The following PCCA variants were observed in gnomAD, a reference collection of about 807,000 sequenced individuals.
PCCA encodes the protein propionyl-CoA carboxylase alpha chain, mitochondrial.
Under a neutral mutation model 101.3 loss-of-function variants are expected in PCCA, and 74 were observed. The ratio of observed to expected loss-of-function variants is 0.73; its 90% CI spans 0.61 to 0.89. PCCA has a LOEUF of 0.89. Among genes scored for constraint, PCCA ranks in the 40% least tolerant of loss-of-function variants. PCCA has a pLI of 0.00. For synonymous variants in PCCA, 294 were observed against 313.6 expected, an observed-to-expected ratio of 0.94 and a Z score of 0.66; for missense variants, 891 against 907.0, an observed-to-expected ratio of 0.98 and a Z score of 0.23.
chr13:100,169,277 A>G (rs2055370112), intron 6 of PCCA, among the ~76,000 whole-genome samples: 2 of 151,878 alleles, frequency 1.3e-5, no homozygotes, highest in Non-Finnish European at 2.9e-5. Context: ...CCCCGTCTCT[A>G]CTAATAATAC....
rs374748806 is a variant in PCCA, at chr13:100,456,671, G to C, written c.1899+7366G>C. ...AGCCGAAGCTGAGAGAGAGAAGGCA[G>C]CATACGTCAGCGTTTTCTTCTATGC... On this transcript the variant is annotated intron_variant, in intron 21 of 23. Coordinates refer to ENST00000376285, the MANE Select transcript of PCCA (RefSeq NM_000282.4). 4.1e-4 allele frequency among the ~76,000 whole-genome samples: 63 copies of C among 152,246 alleles called. 1 individual carries two copies. Among genetic ancestry groups the C allele is most frequent in the South Asian group, 1.7e-3 (8 of 4,828 alleles).
At chr13:100,102,773 A>G (rs1594089155) in intron 1 of PCCA, 110 bp from the exon 2 acceptor site, 4 of 745,370 alleles carry the variant, frequency 5.4e-6, no homozygotes, top group East Asian at 2.5e-5. Context: ...CTAGAACTAC[A>G]TTTATTGATC....
At position 100,337,632 on chromosome 13, in the gene PCCA, G is replaced by T. The variant is rs113198157; in HGVS notation, c.1541-2525G>T. On this transcript the variant is annotated intron_variant, in intron 17 of 23. Coordinates refer to ENST00000376285, the MANE Select transcript of PCCA (RefSeq NM_000282.4). The stretch of plus-strand genomic sequence containing the variant: ...AAGTTGATGTGCATCATATCAGTTT[G>T]CCTGGGAGATGTGATGAATGATGGT... Among the ~76,000 whole-genome samples the T allele has an allele frequency of 2.5e-3, 386 of 152,274 alleles. 4 individuals carry two copies. In the South Asian group the frequency reaches 0.028, roughly 11 times the overall value.
chr13:100,146,847 A>G lies in PCCA; in HGVS notation c.301-8132A>G, dbSNP rs2052631872. Among the ~76,000 whole-genome samples the G allele has an allele frequency of 2.0e-5, 3 of 151,600 alleles. No individual in the cohort carries two copies. In the South Asian group the frequency reaches 6.2e-4, roughly 31 times the overall value. On this transcript the variant is annotated intron_variant, in intron 4 of 23. Transcript: ENST00000376285. ...AATTAAATATTTTTCTTATAGAAAT[A>G]TACATATGTATGCAGATTGGCATGT... is the stretch of plus-strand genomic sequence containing the variant.
chr13:100,099,315 CTTTTTTTTTTT>C (rs940373587), intron 1 of PCCA, among the ~76,000 whole-genome samples: 9 of 124,506 alleles, frequency 7.2e-5, no homozygotes, highest in Admixed American at 2.4e-4. Flanking sequence ...GCTATCTAAT[CTTTTTTTTTTT>C]TTTTTTTTTG....
At chr13:100,283,338 C>T (rs967642914) in intron 12 of PCCA, among the ~76,000 whole-genome samples, 2 of 151,858 alleles carry the variant, frequency 1.3e-5, no homozygotes, top group African/African-American at 4.8e-5. Flanking sequence ...GACCTTGACT[C>T]AGATCATGGG....
chr13:100,482,457 G>T (rs1057471364), intron 21 of PCCA, among the ~76,000 whole-genome samples: 5 of 152,218 alleles, frequency 3.3e-5, no homozygotes, highest in Admixed American at 2.6e-4. Flanking sequence ...GTGATGAGAA[G>T]AGCGCTGTCT....
intron 21 of PCCA, among the ~76,000 whole-genome samples, chr13:100,499,972 T>G (rs1432220901): frequency 6.6e-6 from 1 of 152,228 alleles, no homozygotes; most frequent in African/African-American, 2.4e-5. Context: ...AATAACAGAT[T>G]CATTTTTTCT....
chr13:100,205,070 C>G (rs1453120821), intron 6 of PCCA, among the ~76,000 whole-genome samples: 3 of 151,894 alleles, frequency 2.0e-5, no homozygotes, highest in Non-Finnish European at 4.4e-5. Context: ...TTAAAAGGAC[C>G]TTAAAAAGCA....
rs199611482 is a variant in PCCA at position 100,435,627 on chromosome 13, G to GGTA, written c.1845+9898_1845+9900dup. On this transcript the variant is annotated intron_variant, in intron 20 of 23. Coordinates refer to ENST00000376285, the MANE Select transcript of PCCA (RefSeq NM_000282.4). Reference sequence around the variant, plus strand: ...TTGTATTTTGGTGTATACTGTCACTGGTAGAGGGTCATGATTGCAAGTTAT... The same window carrying GGTA: ...TTGTATTTTGGTGTATACTGTCACTGGTAGTAGAGGGTCATGATTGCAAGTTAT... 5.4e-3 allele frequency among the ~76,000 whole-genome samples: 826 copies of GGTA among 152,306 alleles called. 2 individuals are homozygous for GGTA. The highest frequency in any genetic ancestry group is 8.9e-3 in the Non-Finnish European group (604 of 68,032).
intron 9 of PCCA, among the ~76,000 whole-genome samples, chr13:100,260,466 G>C (rs367597059): frequency 6.7e-6 from 1 of 149,748 alleles, no homozygotes; most frequent in Non-Finnish European, 1.5e-5. Context: ...GTGCGATCTC[G>C]GCTCACTGCA....
At chr13:100,474,681 A>T (rs1198724025) in intron 21 of PCCA, among the ~76,000 whole-genome samples, 2 of 151,830 alleles carry the variant, frequency 1.3e-5, no homozygotes, top group Non-Finnish European at 2.9e-5. Context: ...TAGAGAAGGG[A>T]TTTTACCACG....
intron 6 of PCCA, among the ~76,000 whole-genome samples, chr13:100,203,949 C>G (rs2058697190): frequency 6.6e-6 from 1 of 152,066 alleles, no homozygotes; most frequent in Non-Finnish European, 1.5e-5. Flanking sequence ...GTGGGTGCTC[C>G]TTTCTATCTG....
intron 4 of PCCA, among the ~76,000 whole-genome samples, chr13:100,116,823 C>T (rs563014121): frequency 6.6e-6 from 1 of 150,440 alleles, no homozygotes; most frequent in Non-Finnish European, 1.5e-5. Context: ...TTTTGCAGGC[C>T]CCTGTGGTCG....
intron 21 of PCCA, chr13:100,491,709 T>A: frequency 8.4e-6 from 11 of 1,302,906 alleles, no homozygotes; most frequent in Admixed American, 2.3e-5. Context: ...TGCGGCCTGG[T>A]GGCTGGCTCA....
intron 6 of PCCA, among the ~76,000 whole-genome samples, chr13:100,159,825 C>T (rs573452521): frequency 2.0e-5 from 3 of 152,266 alleles, no homozygotes; most frequent in Non-Finnish European, 4.4e-5. Context: ...TGTGCCTGGC[C>T]TCCCACCCAC....
intron 4 of PCCA, among the ~76,000 whole-genome samples, chr13:100,138,873 T>G (rs1245990461): frequency 7.0e-6 from 1 of 142,960 alleles, no homozygotes; most frequent in Non-Finnish European, 1.5e-5. Flanking sequence ...CAGTAGAGGT[T>G]GCAGTGAGCC....
At chr13:100,258,285 C>G (rs948567323) in intron 9 of PCCA, among the ~76,000 whole-genome samples, 1 of 152,100 alleles carries the variant, frequency 6.6e-6, no homozygotes, top group African/African-American at 2.4e-5. Flanking sequence ...TGCTCAAATT[C>G]AAGGGGAGGG....
intron 12 of PCCA, among the ~76,000 whole-genome samples, chr13:100,279,832 T>C (rs1052885511): frequency 9.9e-5 from 15 of 152,212 alleles, no homozygotes; most frequent in African/African-American, 3.6e-4. Flanking sequence ...CCTTAAATTA[T>C]AATACTTAAG....
Sources: allele counts gnomAD v4.1 joint callset (sites outside exome capture counted in the v4.1 genomes callset), GRCh38; gene constraint gnomAD v4.1.1; transcripts MANE v1.5; gene names NCBI Gene and HGNC (gene_info 2026-07-23, HGNC 2026-07-21).